Variants in RNF150 observed in about 807,000 individuals in gnomAD.
The protein encoded by RNF150 is ring finger protein 150.
Under a neutral mutation model 39.3 loss-of-function variants are expected in RNF150, and 24 were observed. The observed-to-expected ratio is 0.61, with a 90% confidence interval of 0.44 to 0.86. RNF150 has a LOEUF of 0.86. RNF150 is among the 40% of genes least tolerant of loss of function. RNF150 has a pLI of 0.00. For missense variants in RNF150, 502 were observed against 587.8 expected (o/e 0.85, Z 1.51); for synonymous variants, 255 against 227.3 (o/e 1.12, Z -1.10).
chr4:141,178,635 G>C (rs987379524), intron 1 of RNF150, among the ~76,000 whole-genome samples: 1 of 152,052 alleles, frequency 6.6e-6, no homozygotes, highest in Admixed American at 6.6e-5. Context: ...AGTTCCTTAG[G>C]GTTAGTGGGG....
chr4:141,040,221 T>C (rs563928180), intron 1 of RNF150, among the ~76,000 whole-genome samples: 2 of 152,178 alleles, frequency 1.3e-5, no homozygotes, highest in South Asian at 2.1e-4. Context: ...CCAGTAAGGT[T>C]TGTTGACTAT....
At chr4:140,927,311 T>C (rs1731435858) in intron 4 of RNF150, among the ~76,000 whole-genome samples, 1 of 152,198 alleles carries the variant, frequency 6.6e-6, no homozygotes, top group East Asian at 1.9e-4. Flanking sequence ...TACTATGATA[T>C]GGTTTGGGTC....
intron 3 of RNF150, among the ~76,000 whole-genome samples, chr4:140,948,368 C>T (rs1363648974): frequency 6.6e-6 from 1 of 152,006 alleles, no homozygotes; most frequent in Non-Finnish European, 1.5e-5. Context: ...GAGACAATAC[C>T]TGCTTATATA....
At chr4:141,088,484 C>G (rs908601438) in intron 1 of RNF150, among the ~76,000 whole-genome samples, 3 of 152,092 alleles carry the variant, frequency 2.0e-5, no homozygotes, top group African/African-American at 7.2e-5. Flanking sequence ...TCTTATAATA[C>G]TGATAAAACC....
intron 1 of RNF150, among the ~76,000 whole-genome samples, chr4:141,027,275 C>T (rs575749664): frequency 4.6e-5 from 7 of 152,110 alleles, no homozygotes; most frequent in Admixed American, 2.0e-4. Context: ...TCATAAGTCA[C>T]GATACATGAC....
intron 6 of RNF150, among the ~76,000 whole-genome samples, chr4:140,894,236 A>G (rs4146971): frequency 1.7e-5 from 1 of 60,206 alleles, no homozygotes; most frequent in Non-Finnish European, 4.4e-5. Flanking sequence ...CAAAATAGGC[A>G]TTAATAAATC....
intron 6 of RNF150, among the ~76,000 whole-genome samples, chr4:140,881,369 G>T (rs1729367317): frequency 6.6e-6 from 1 of 152,004 alleles, no homozygotes; most frequent in Non-Finnish European, 1.5e-5. Context: ...TCACCATTTT[G>T]CCCAGGCTGG....
At chr4:141,202,135 G>C (rs1465146621) in intron 1 of RNF150, among the ~76,000 whole-genome samples, 16 of 152,048 alleles carry the variant, frequency 1.1e-4, no homozygotes, top group Admixed American at 1.0e-3. Flanking sequence ...CCAGTCTAAG[G>C]TATTTGTTAT....
intron 1 of RNF150, among the ~76,000 whole-genome samples, chr4:141,123,448 ATAAG>A (rs1439175874): frequency 1.3e-5 from 2 of 152,230 alleles, no homozygotes; most frequent in Non-Finnish European, 2.9e-5. Flanking sequence ...CAAAAAATTT[ATAAG>A]TAACTAGAAT....
intron 1 of RNF150, among the ~76,000 whole-genome samples, chr4:141,122,266 A>G (rs1308983945): frequency 6.6e-6 from 1 of 152,218 alleles, no homozygotes; most frequent in African/African-American, 2.4e-5. Context: ...ACCATCAGTA[A>G]TCATGATGAT....
chr4:141,170,955 C>A (rs1727706528), intron 1 of RNF150, among the ~76,000 whole-genome samples: 1 of 152,100 alleles, frequency 6.6e-6, no homozygotes, highest in East Asian at 1.9e-4. Flanking sequence ...TATTAATGCA[C>A]AGTACATCCA....
At chr4:140,929,610 C>T (rs1445503999) in intron 4 of RNF150, among the ~76,000 whole-genome samples, 1 of 152,016 alleles carries the variant, frequency 6.6e-6, no homozygotes, top group East Asian at 1.9e-4. Flanking sequence ...TCGTGATCCA[C>T]TTGCCTCGGC....
chr4:140,947,751 G>A lies in RNF150; in HGVS notation c.808-15C>T. On this transcript the variant is annotated splice_polypyrimidine_tract_variant and intron_variant, in intron 3 of 6. Transcript: ENST00000515673. ...GACTCTGTTTCCTGCAACAGAGGAA[G>A]CACAGATGAGCCTATTTTCTTAGCT... The A allele has an allele frequency of 6.5e-7, 1 of 1,535,588 alleles. No homozygotes were observed. Among genetic ancestry groups the A allele is most frequent in the Non-Finnish European group, 8.9e-7 (1 of 1,127,458 alleles).
chr4:141,156,372 C>T (rs990361079), intron 1 of RNF150, among the ~76,000 whole-genome samples: 2 of 152,150 alleles, frequency 1.3e-5, no homozygotes, highest in Admixed American at 1.3e-4. Flanking sequence ...CCTTGATCTC[C>T]TGTGCTCAAG....
intron 1 of RNF150, among the ~76,000 whole-genome samples, chr4:141,150,770 G>T (rs1426691972): frequency 2.6e-5 from 4 of 152,104 alleles, no homozygotes; most frequent in African/African-American, 7.2e-5. Context: ...TCTTAAGAGG[G>T]CAGGAATTTT....
At chr4:140,910,295 C>A (rs1279284372) in intron 6 of RNF150, among the ~76,000 whole-genome samples, 1 of 152,136 alleles carries the variant, frequency 6.6e-6, no homozygotes, top group Non-Finnish European at 1.5e-5. Context: ...AAGAAAGACA[C>A]TTCGTATAAA....
chr4:141,093,834 A>T (rs188141247), intron 1 of RNF150, among the ~76,000 whole-genome samples: 1 of 152,344 alleles, frequency 6.6e-6, no homozygotes, highest in East Asian at 1.9e-4. Flanking sequence ...CAAATAGGAA[A>T]TGCCTGACAA....
chr4:141,056,958 G>GA (rs1737000718), intron 1 of RNF150, among the ~76,000 whole-genome samples: 1 of 152,054 alleles, frequency 6.6e-6, no homozygotes, highest in African/African-American at 2.4e-5. Flanking sequence ...TAATAGTGTA[G>GA]TTACTTAAGA....
rs141064156 is a variant in RNF150, at chr4:141,021,258, T to C, written c.485-53385A>G. On this transcript the variant is annotated intron_variant, in intron 1 of 6. Transcript: ENST00000515673. The stretch of plus-strand genomic sequence containing the variant: ...AACGTAACAGGATTCTTGCTAAAAA[T>C]AGGACAATGCAAAGACGATCATAGA... Among the ~76,000 whole-genome samples, 220 of 152,136 alleles carry C rather than the reference T, an allele frequency of 1.4e-3. 1 individual carries two copies. The highest frequency in any genetic ancestry group is 2.6e-3 in the Non-Finnish European group (175 of 68,000).
Sources: gnomAD v4.1 joint callset for allele counts (sites outside exome capture counted in the v4.1 genomes callset) on GRCh38, gnomAD v4.1.1 for gene constraint, MANE v1.5 for transcripts, NCBI Gene and HGNC (gene_info 2026-07-23, HGNC 2026-07-21) for gene names.